Variants in PSG5 observed in about 807,000 individuals in gnomAD.
PSG5 encodes the protein pregnancy-specific beta-1-glycoprotein 5.
In PSG5, 53 loss-of-function variants were observed where a neutral mutation model predicts 37.7. The observed-to-expected ratio is 1.41, with a 90% confidence interval of 1.13 to 1.77. The LOEUF is 1.77. PSG5 is among the 40% of genes most tolerant of loss of function. The pLI, the probability that PSG5 is intolerant of heterozygous loss-of-function variation, is 0.00. For missense variants in PSG5, 547 were observed against 405.2 expected, an observed-to-expected ratio of 1.35 and a Z score of -3.00; for synonymous variants, 221 against 155.4, an observed-to-expected ratio of 1.42 and a Z score of -3.14.
rs570304093 is a variant in PSG5 at position 43,182,822 on chromosome 19, G to T, written c.430+1960C>A. On this transcript the variant is annotated intron_variant, in intron 2 of 5. Transcript: ENST00000342951. ...TTGTCCACAGGTCAGCCTCACAAAGGGAAAGAGCCCTGGATGGGAATACAG... is the reference window on the plus strand; with the variant it reads ...TTGTCCACAGGTCAGCCTCACAAAGTGAAAGAGCCCTGGATGGGAATACAG... Among the ~76,000 whole-genome samples, 565 of 146,388 alleles carry T rather than the reference G, an allele frequency of 3.9e-3. 17 individuals are homozygous for T. The highest frequency in any genetic ancestry group is 6.9e-3 in the Non-Finnish European group (457 of 66,694).
chr19:43,168,635 C>G (rs1168885912), intron 5 of PSG5, among the ~76,000 whole-genome samples: 3 of 151,728 alleles, frequency 2.0e-5, no homozygotes, highest in Admixed American at 6.6e-5. Flanking sequence ...GCCTCCCAAA[C>G]TGCTGGGATT....
chr19:43,174,830 A>G (rs961116625), intron 4 of PSG5: 2 of 1,172,022 alleles, frequency 1.7e-6, no homozygotes, highest in Middle Eastern at 3.2e-4. Context: ...AGAGCCTCAG[A>G]TGTTCCTTGT....
rs1476831546 is a variant in PSG5, at chr19:43,175,732, G to A, written c.709+138C>T. ...CTGTGCCTACCTAGGTTTTCCAAGG[G>A]CAGGGAGTCATGGCCAGCTCAGATG... On this transcript the variant is annotated intron_variant, in intron 3 of 5. Coordinates refer to ENST00000342951, the MANE Select transcript of PSG5 (RefSeq NM_002781.4). 1.7e-5 allele frequency: 26 copies of A among 1,506,750 alleles called. 1 individual carries two copies. The South Asian group carries it at 2.0e-4, about 11-fold the overall frequency. The allele number at this position is 1,506,750 out of a possible 1,614,324, so 93.3% of individuals were successfully genotyped here.
At chr19:43,170,469 C>A (rs1483137385) in intron 4 of PSG5, 1 of 447,200 alleles carries the variant, frequency 2.2e-6, no homozygotes, top group South Asian at 1.9e-5. Context: ...ATCTTTTTCT[C>A]AGTCTCTCTG....
intron 1 of PSG5, 56 bp downstream of exon 1, chr19:43,186,286 C>A: frequency 6.2e-7 from 1 of 1,609,540 alleles, no homozygotes; most frequent in South Asian, 1.1e-5. Context: ...CCAGGAGACC[C>A]AATCCAGTCA....
In PSG5 at chr19:43,175,476, C is replaced by T; in HGVS notation, c.710-7G>A. The T allele has an allele frequency of 6.2e-7, 1 of 1,600,224 alleles. No individual in the cohort carries two copies. Among genetic ancestry groups the T allele is most frequent in the Non-Finnish European group, 8.5e-7 (1 of 1,172,954 alleles). On this transcript the variant is annotated splice_polypyrimidine_tract_variant and splice_region_variant and intron_variant, in intron 3 of 5. Transcript: ENST00000342951. ...CTGGGGAGGTCTGGACCATCTGGAG[C>T]AAAGAGAATGAAGCCACAGGTGATG...
Position 43,184,622 on chromosome 19 carries a change from TTG to T in PSG5, c.430+158_430+159del, listed in dbSNP as rs879274077. On this transcript the variant is annotated intron_variant, in intron 2 of 5. Transcript: ENST00000342951. ...GAAAGGAATTCTGATCTGTTGAAATTTGTCTCCTCTGTGTGTGTCCTGCACTA... is the reference window on the plus strand; with the variant it reads ...GAAAGGAATTCTGATCTGTTGAAATTTCTCCTCTGTGTGTGTCCTGCACTA... Among the ~76,000 whole-genome samples the T allele has an allele frequency of 3.2e-4, 49 of 151,488 alleles. 1 individual carries two copies. Among genetic ancestry groups the T allele is most frequent in the African/African-American group, 1.1e-3 (46 of 41,148 alleles).
At chr19:43,175,042 C>T in intron 4 of PSG5, 173 bp downstream of exon 4, 2 of 1,524,684 alleles carry the variant, frequency 1.3e-6, no homozygotes, top group Non-Finnish European at 1.8e-6. Flanking sequence ...AACAGAAAAA[C>T]AAGGAGAAGA....
chr19:43,173,545 T>C (rs28832881), intron 4 of PSG5, among the ~76,000 whole-genome samples: 102,449 of 151,142 alleles, frequency 0.68, 36,029 homozygotes, highest in East Asian at 0.99. Flanking sequence ...GAACAAAGGA[T>C]TAAAATGGAG....
intron 5 of PSG5, among the ~76,000 whole-genome samples, chr19:43,168,471 C>T (rs757175953): frequency 2.6e-5 from 4 of 151,500 alleles, no homozygotes; most frequent in Non-Finnish European, 4.4e-5. Flanking sequence ...CGGGTTCATG[C>T]CATTCTCCTG....
chr19:43,170,325 C>G, intron 4 of PSG5, 187 bp from the exon 5 acceptor site: 3 of 695,048 alleles, frequency 4.3e-6, no homozygotes, highest in Non-Finnish European at 6.4e-6. Context: ...CACCATGTTT[C>G]TAGGATGGTG....
At position 43,186,417 on chromosome 19, in the gene PSG5, C is replaced by T; in HGVS notation, c.-12G>A. The stretch of plus-strand genomic sequence containing the variant: ...GAGAGGGGCCCCATGGTCTCTGCGC[C>T]TGCGTGTTCTCCTCTGTGGAGCTGA... On this transcript the variant is annotated 5_prime_UTR_variant, in exon 1 of 6. Coordinates refer to ENST00000342951, the MANE Select transcript of PSG5 (RefSeq NM_002781.4). The T allele has an allele frequency of 6.2e-7, 1 of 1,612,040 alleles. No homozygotes were observed. The highest frequency in any genetic ancestry group is 1.1e-5 in the South Asian group (1 of 91,026).
chr19:43,175,218 A>G lies in PSG5; in HGVS notation c.961T>C (p.Ser321Pro), dbSNP rs1314481823. ...ESSKSMTVEV[S>P]APSGIGRLPL... The stretch of plus-strand genomic sequence containing the variant: ...AAGGATGCTGGGATCCACTTACCAG[A>G]GACTTCGACTGTCATGGATTTGGAG... The change falls in exon 4 of 6, where the codon TCT (serine) becomes CCT (proline). Residue 321 changes from serine to proline, a missense_variant. Coordinates refer to ENST00000342951, the MANE Select transcript of PSG5 (RefSeq NM_002781.4). The G allele has an allele frequency of 6.2e-7, 1 of 1,612,672 alleles. No homozygotes were observed. The highest frequency in any genetic ancestry group is 1.7e-5 in the Admixed American group (1 of 59,924).
At chr19:43,179,637 G>A (rs1969086035) in intron 2 of PSG5, among the ~76,000 whole-genome samples, 1 of 151,684 alleles carries the variant, frequency 6.6e-6, no homozygotes, top group Non-Finnish European at 1.5e-5. Context: ...TTTGGGTACT[G>A]GAAAGCCTGG....
intron 2 of PSG5, among the ~76,000 whole-genome samples, chr19:43,182,194 A>G (rs2190838): frequency 6.6e-6 from 1 of 151,456 alleles, no homozygotes; most frequent in Admixed American, 6.6e-5. Flanking sequence ...TTGCCCAGGG[A>G]TGGCCTTTGT....
intron 2 of PSG5, among the ~76,000 whole-genome samples, chr19:43,177,023 T>A (rs913284568): frequency 2.0e-5 from 3 of 151,768 alleles, no homozygotes; most frequent in South Asian, 4.1e-4. Context: ...CTGGTCCTCA[T>A]GGACCATGTG....
At chr19:43,168,381 T>A (rs956204630) in intron 5 of PSG5, among the ~76,000 whole-genome samples, 178 bp from the exon 6 acceptor site, 2 of 151,558 alleles carry the variant, frequency 1.3e-5, no homozygotes, top group African/African-American at 4.9e-5. Context: ...AAAAATTTTT[T>A]TTTTTGAAAT....
At chr19:43,178,575 C>A (rs1308094302) in intron 2 of PSG5, among the ~76,000 whole-genome samples, 1 of 151,620 alleles carries the variant, frequency 6.6e-6, no homozygotes, top group Non-Finnish European at 1.5e-5. Context: ...AGCCAAGTCG[C>A]AACACTGAAG....
chr19:43,169,260 G>A (rs1252080085), intron 5 of PSG5, among the ~76,000 whole-genome samples: 1 of 151,396 alleles, frequency 6.6e-6, no homozygotes, highest in East Asian at 1.9e-4. Flanking sequence ...TATGTTTTTT[G>A]AACACATGAA....
Sources: allele counts gnomAD v4.1 joint callset (sites outside exome capture counted in the v4.1 genomes callset), GRCh38; gene constraint gnomAD v4.1.1; transcripts MANE v1.5; gene names NCBI Gene and HGNC (gene_info 2026-07-23, HGNC 2026-07-21).